The following PTPRE variants were observed in gnomAD, a reference collection of about 807,000 sequenced individuals.
PTPRE encodes protein tyrosine phosphatase receptor type E, also known as receptor-type tyrosine-protein phosphatase epsilon.
PTPRE carries 51 observed loss-of-function variants against 102.0 expected under a neutral mutation model. That is an observed-to-expected ratio of 0.50 (90% CI 0.40 to 0.63). The LOEUF is 0.63. Ranked by LOEUF, PTPRE falls within the 30% of genes least tolerant of loss-of-function variation. PTPRE has a pLI of 0.00. For synonymous variants in PTPRE, 345 were observed against 348.2 expected, an observed-to-expected ratio of 0.99 and a Z score of 0.10; for missense variants, 752 against 915.1, an observed-to-expected ratio of 0.82 and a Z score of 2.30.
chr10:127,931,094 C>T (rs1249510465), intron 1 of PTPRE, among the ~76,000 whole-genome samples: 1 of 152,046 alleles, frequency 6.6e-6, no homozygotes, highest in East Asian at 1.9e-4. Flanking sequence ...CCCGGCCCGC[C>T]AGTTGTTTTT....
chr10:128,061,246 T>C (rs751405224), intron 8 of PTPRE, among the ~76,000 whole-genome samples: 3 of 152,252 alleles, frequency 2.0e-5, no homozygotes, highest in African/African-American at 4.8e-5. Context: ...ATTATGTATA[T>C]TCCTGACCAA....
At chr10:128,049,266 G>A (rs1481851165) in intron 5 of PTPRE, among the ~76,000 whole-genome samples, 1 of 152,132 alleles carries the variant, frequency 6.6e-6, no homozygotes, top group African/African-American at 2.4e-5. Flanking sequence ...CTCGGGAGGG[G>A]GACAGGCTGT....
chr10:128,033,878 C>G (rs11016029), intron 2 of PTPRE, among the ~76,000 whole-genome samples: 388 of 152,346 alleles, frequency 2.5e-3, no homozygotes, highest in Non-Finnish European at 4.2e-3. Flanking sequence ...CTCCTGACCT[C>G]AAGTGATCTG....
chr10:128,068,482 C>T (rs1850476859), intron 12 of PTPRE, 196 bp downstream of exon 12: 1 of 516,352 alleles, frequency 1.9e-6, no homozygotes, highest in South Asian at 4.9e-5. Flanking sequence ...CCCTCTTCAT[C>T]CCAGTCGATA....
chr10:127,971,778 C>T (rs1006051965), intron 1 of PTPRE, among the ~76,000 whole-genome samples: 2 of 152,240 alleles, frequency 1.3e-5, no homozygotes, highest in African/African-American at 4.8e-5. Flanking sequence ...AGATCCCGGC[C>T]AGCCATGTGG....
intron 1 of PTPRE, among the ~76,000 whole-genome samples, chr10:127,940,461 A>G (rs546933021): frequency 6.6e-6 from 1 of 152,208 alleles, no homozygotes; most frequent in African/African-American, 2.4e-5. Context: ...TGCACCTCTC[A>G]TTCAAGTTGC....
At position 128,070,058 on chromosome 10, in the gene PTPRE, A is replaced by G; in HGVS notation, c.1143+231A>G. On this transcript the variant is annotated intron_variant, in intron 13 of 20. Coordinates refer to ENST00000254667, the MANE Select transcript of PTPRE (RefSeq NM_006504.6). This position sits in a 1 kb window ranked among gnomAD's most constrained non-coding sequence, Gnocchi z 4.8. ...GAGATGGGGCAATCCTACTCCCCCA[A>G]ACGGTGCATGTACACAGTGCGTGGC... 1 of 701,834 alleles carries G rather than the reference A, an allele frequency of 1.4e-6. No individual in the cohort carries two copies. Among genetic ancestry groups the G allele is most frequent in the South Asian group, 1.9e-5 (1 of 53,284 alleles). 43.5% of individuals were successfully genotyped at this position (701,834 alleles called of 1,614,324 possible).
Position 128,047,441 on chromosome 10 carries a change from C to CGCT in PTPRE, c.168_170dup (p.Leu60dup). The CGCT allele has an allele frequency of 2.5e-6, 4 of 1,613,364 alleles. No individual in the cohort carries two copies. Among genetic ancestry groups the CGCT allele is most frequent in the Non-Finnish European group, 3.4e-6 (4 of 1,180,026 alleles). ...CCGCTGCTGGCCTGGCTGCTACTGC[C>CGCT]GCTGCTGCTCCTCCTCCTCGTGCTC... is the stretch of plus-strand genomic sequence containing the variant. On this transcript the variant is annotated inframe_insertion, in exon 4 of 21. Transcript: ENST00000254667.
intron 1 of PTPRE, among the ~76,000 whole-genome samples, chr10:127,928,485 A>G (rs1438169276): frequency 1.3e-5 from 2 of 152,220 alleles, no homozygotes; most frequent in Non-Finnish European, 2.9e-5. Context: ...GAATTGATGT[A>G]TCCTTCCTTC....
At chr10:127,976,487 G>T (rs944748512) in intron 1 of PTPRE, among the ~76,000 whole-genome samples, 9 of 152,122 alleles carry the variant, frequency 5.9e-5, no homozygotes, top group Admixed American at 3.9e-4. Context: ...AGGCAGGCAG[G>T]GATGCACGTG....
At chr10:127,927,877 T>G (rs529647432) in intron 1 of PTPRE, among the ~76,000 whole-genome samples, 4 of 152,342 alleles carry the variant, frequency 2.6e-5, no homozygotes, top group African/African-American at 7.2e-5. Context: ...GAATGACTCA[T>G]TATTTATTAT....
chr10:127,907,881 G>A lies in PTPRE; in HGVS notation c.-31+572G>A, dbSNP rs1172710313. Among the ~76,000 whole-genome samples the A allele has an allele frequency of 1.3e-5, 2 of 152,184 alleles. No individual in the cohort carries two copies. Among genetic ancestry groups the A allele is most frequent in the East Asian group, 1.9e-4 (1 of 5,174 alleles). On this transcript the variant is annotated intron_variant, in intron 1 of 20. Transcript: ENST00000254667. The surrounding 1 kb of genome is among the most constrained non-coding windows in gnomAD (Gnocchi z 4.8). ...AGCAGCCGCCGGGGGTCGGAGATGC[G>A]GCAGGGAGACCCTGGCAGGTGGTCC...
chr10:127,935,145 C>T (rs899134000), intron 1 of PTPRE, among the ~76,000 whole-genome samples: 11 of 152,178 alleles, frequency 7.2e-5, no homozygotes, highest in African/African-American at 2.4e-4. Flanking sequence ...CAGCAGTCCC[C>T]TCTGAGTCTG....
At chr10:128,030,815 G>A (rs12570333) in intron 2 of PTPRE, among the ~76,000 whole-genome samples, 27,611 of 152,096 alleles carry the variant, frequency 0.18, 2,831 homozygotes, top group East Asian at 0.37. Flanking sequence ...GTCCCCTGCA[G>A]GCCTCCCTCA....
intron 1 of PTPRE, among the ~76,000 whole-genome samples, chr10:127,923,398 A>ATTTT (rs35994733): frequency 1.9e-4 from 20 of 106,910 alleles, no homozygotes; most frequent in African/African-American, 4.3e-4. Flanking sequence ...ACCAGTTTGA[A>ATTTT]TTTTTTTTTT....
chr10:127,959,787 C>A (rs1849666205), intron 1 of PTPRE, among the ~76,000 whole-genome samples: 1 of 152,176 alleles, frequency 6.6e-6, no homozygotes, highest in Non-Finnish European at 1.5e-5. Context: ...ATTCTCCTTT[C>A]CCTGACTGTA....
intron 2 of PTPRE, among the ~76,000 whole-genome samples, chr10:128,013,845 A>C (rs1168673397): frequency 6.6e-6 from 1 of 152,224 alleles, no homozygotes; most frequent in Non-Finnish European, 1.5e-5. Context: ...TTGTTATGGC[A>C]GCTGGGCTGA....
intron 2 of PTPRE, among the ~76,000 whole-genome samples, chr10:127,986,229 T>A (rs1311124189): frequency 6.6e-6 from 1 of 151,954 alleles, no homozygotes; most frequent in African/African-American, 2.4e-5. Flanking sequence ...AACAATAGAT[T>A]TATGAAAATA....
chr10:128,083,158 T>G lies in PTPRE; in HGVS notation c.*252T>G, dbSNP rs1378268718. 1 of 249,144 alleles carries G rather than the reference T, an allele frequency of 4.0e-6. No individual in the cohort carries two copies. The highest frequency in any genetic ancestry group is 8.7e-5 in the East Asian group (1 of 11,454). The allele number at this position is 249,144 out of a possible 1,614,324, so 15.4% of individuals were successfully genotyped here. ...CTAATATTAGTAAATATCTTAATTT[T>G]TCATTAGATTCATATCATTTAATTT... On this transcript the variant is annotated 3_prime_UTR_variant, in exon 21 of 21. Coordinates refer to ENST00000254667, the MANE Select transcript of PTPRE (RefSeq NM_006504.6).
Sources: gnomAD v4.1 joint callset for allele counts (sites outside exome capture counted in the v4.1 genomes callset) on GRCh38, gnomAD v4.1.1 for gene constraint, Gnocchi (gnomAD v3.1) non-coding constraint, MANE v1.5 for transcripts, NCBI Gene and HGNC (gene_info 2026-07-23, HGNC 2026-07-21) for gene names.